Variants in PRKG1 observed in about 807,000 individuals in gnomAD.
PRKG1 encodes the protein protein kinase cGMP-dependent 1.
PRKG1 carries 35 observed loss-of-function variants against 88.1 expected under a neutral mutation model. That is an observed-to-expected ratio of 0.40 (90% confidence interval 0.30 to 0.53). The LOEUF (loss-of-function observed/expected upper bound fraction) is 0.53. Among genes scored for constraint, PRKG1 ranks in the 20% least tolerant of loss-of-function variants. The probability of loss-of-function intolerance (pLI) is 0.59; values close to 1 mark genes in which losing one functional copy is unlikely to be tolerated. For missense variants in PRKG1, 540 were observed against 839.8 expected (o/e 0.64, Z 4.41); for synonymous variants, 303 against 292.5 (o/e 1.04, Z -0.37).
chr10:51,013,590 C>T (rs1321003237), intron 1 of PRKG1, among the ~76,000 whole-genome samples: 1 of 152,114 alleles, frequency 6.6e-6, no homozygotes, highest in East Asian at 1.9e-4. Context: ...TGGGGTTTCA[C>T]CATGTTAGCC....
intron 3 of PRKG1, among the ~76,000 whole-genome samples, chr10:51,534,550 C>A (rs1216554339): frequency 1.9e-5 from 1 of 51,844 alleles, no homozygotes; most frequent in Admixed American, 2.2e-4. Flanking sequence ...CTCCTGTAGT[C>A]CCAGCTACTC....
In PRKG1 at chr10:51,943,884, A is replaced by G. The variant is rs951607006; in HGVS notation, c.762+36314A>G. On this transcript the variant is annotated intron_variant, in intron 5 of 17. Transcript: ENST00000373980. ...TATTTTATTGAGGATTTTTGCCTCAATGTTCATCAAGGATATTGGTCTAAA... is the reference window on the plus strand; with the variant it reads ...TATTTTATTGAGGATTTTTGCCTCAGTGTTCATCAAGGATATTGGTCTAAA... 1.3e-5 allele frequency among the ~76,000 whole-genome samples: 2 copies of G among 151,992 alleles called. 1 individual carries two copies. Among genetic ancestry groups the G allele is most frequent in the East Asian group, 3.9e-4 (2 of 5,186 alleles).
intron 9 of PRKG1, among the ~76,000 whole-genome samples, chr10:52,199,061 G>A (rs1377471239): frequency 6.7e-6 from 1 of 148,290 alleles, no homozygotes; most frequent in Non-Finnish European, 1.5e-5. Flanking sequence ...TTTGATGAAG[G>A]ATGAGATTGG....
At chr10:52,211,326 T>C (rs999973734) in intron 9 of PRKG1, among the ~76,000 whole-genome samples, 38 of 152,288 alleles carry the variant, frequency 2.5e-4, no homozygotes, top group African/African-American at 8.2e-4. Context: ...CCAGAAAATA[T>C]GTAGAGACAT....
intron 1 of PRKG1, among the ~76,000 whole-genome samples, chr10:51,145,131 G>A (rs1800803302): frequency 6.6e-6 from 1 of 152,280 alleles, no homozygotes; most frequent in Non-Finnish European, 1.5e-5. Context: ...GGTGTGAGTT[G>A]CTGGGTTTCA....
chr10:51,257,001 A>T (rs571328377), intron 2 of PRKG1, among the ~76,000 whole-genome samples: 2 of 152,220 alleles, frequency 1.3e-5, no homozygotes, highest in African/African-American at 4.8e-5. Flanking sequence ...AATTAAAATT[A>T]AAAAAATTCA....
chr10:51,159,500 G>A (rs1471307850), intron 2 of PRKG1, among the ~76,000 whole-genome samples: 2 of 152,098 alleles, frequency 1.3e-5, no homozygotes, highest in Admixed American at 1.3e-4. Context: ...GAGAAAGCTT[G>A]TGTACTACTT....
In PRKG1 at chr10:51,934,495, G is replaced by A. The variant is rs1026522911; in HGVS notation, c.762+26925G>A. Among the ~76,000 whole-genome samples, 7 of 152,080 alleles carry A rather than the reference G, an allele frequency of 4.6e-5. No individual in the cohort carries two copies. The South Asian group carries it at 1.0e-3, about 23-fold the overall frequency. On this transcript the variant is annotated intron_variant, in intron 5 of 17. Transcript: ENST00000373980. ...ATTAAGTTGCTCTACAGTAACCAAC[G>A]ATCCCCAAATAACAGCAGCTTAAAT...
chr10:51,993,488 G>A (rs374119221), intron 5 of PRKG1, among the ~76,000 whole-genome samples: 1 of 152,058 alleles, frequency 6.6e-6, no homozygotes, highest in Admixed American at 6.6e-5. Flanking sequence ...CCTATGAGTA[G>A]GATTATTACC....
chr10:52,167,566 T>C (rs1282155664), intron 9 of PRKG1, among the ~76,000 whole-genome samples: 4 of 151,894 alleles, frequency 2.6e-5, no homozygotes, highest in African/African-American at 9.7e-5. Context: ...CTGATTTGAG[T>C]TGTAGCCTTG....
At chr10:51,589,032 A>G (rs1838242707) in intron 3 of PRKG1, among the ~76,000 whole-genome samples, 1 of 152,186 alleles carries the variant, frequency 6.6e-6, no homozygotes, top group Non-Finnish European at 1.5e-5. Context: ...ATGAATAAAT[A>G]CATCTAGATG....
At chr10:51,729,615 G>A (rs1234995114) in intron 3 of PRKG1, among the ~76,000 whole-genome samples, 2 of 141,026 alleles carry the variant, frequency 1.4e-5, no homozygotes, top group Non-Finnish European at 3.0e-5. Flanking sequence ...GCTGAGGCAG[G>A]AGAATTGCTT....
rs59354639 is a variant in PRKG1, at chr10:51,725,628, C to CTTT, written c.593-78947_593-78945dup. ...CATAGAAGAATTTCTTTTTTCTTTTCTTTTTTTTTTTTGTGGGGGTCGGGG... is the reference window on the plus strand; with the variant it reads ...CATAGAAGAATTTCTTTTTTCTTTTCTTTTTTTTTTTTTTTGTGGGGGTCGGGG... On this transcript the variant is annotated intron_variant, in intron 3 of 17. Transcript: ENST00000373980. Among the ~76,000 whole-genome samples the CTTT allele has an allele frequency of 7.8e-4, 113 of 145,134 alleles. 1 individual carries two copies. The highest frequency in any genetic ancestry group is 2.4e-3 in the African/African-American group (95 of 39,394).
chr10:51,585,944 G>A (rs906452272), intron 3 of PRKG1, among the ~76,000 whole-genome samples: 4 of 152,044 alleles, frequency 2.6e-5, no homozygotes, highest in Non-Finnish European at 5.9e-5. Flanking sequence ...TGGCCGTAAA[G>A]ATAAGAACGC....
At chr10:52,275,043 A>G (rs1030299744) in intron 12 of PRKG1, among the ~76,000 whole-genome samples, 4 of 151,534 alleles carry the variant, frequency 2.6e-5, no homozygotes, top group African/African-American at 9.7e-5. Context: ...TTTTTTTCTT[A>G]CTGATTTGTT....
Position 52,271,385 on chromosome 10 carries a change from A to G in PRKG1, c.1209A>G (p.Ala403=). 2 of 1,612,802 alleles carry G rather than the reference A, an allele frequency of 1.2e-6. No individual in the cohort carries two copies. Among genetic ancestry groups the G allele is most frequent in the Non-Finnish European group, 1.7e-6 (2 of 1,179,224 alleles). Residue 403 remains alanine (A), a synonymous_variant, in exon 11 of 18, where the codon GCA becomes GCG. Coordinates refer to ENST00000373980, the MANE Select transcript of PRKG1 (RefSeq NM_006258.4). ...AAAGTGAAGAATCCAAAACGTTTGC[A>G]ATGAAGATTCTCAAGAAACGTCACA... is the stretch of plus-strand genomic sequence containing the variant. The part of the protein sequence containing the change: ...QLKSEESKTF[A]MKILKKRHIV...
intron 3 of PRKG1, among the ~76,000 whole-genome samples, chr10:51,694,010 G>A (rs916413708): frequency 5.3e-5 from 8 of 151,882 alleles, no homozygotes; most frequent in African/African-American, 1.7e-4. Context: ...TATATTTATG[G>A]ATACTTACAA....
chr10:51,149,396 G>T (rs1324297167), intron 1 of PRKG1, among the ~76,000 whole-genome samples: 1 of 152,008 alleles, frequency 6.6e-6, no homozygotes, highest in Non-Finnish European at 1.5e-5. Flanking sequence ...GTAGGTATAT[G>T]TTTTCCTATA....
intron 3 of PRKG1, among the ~76,000 whole-genome samples, chr10:51,571,311 A>C (rs16919763): frequency 0.01 from 1,537 of 151,996 alleles, 33 homozygotes; most frequent in African/African-American, 0.034. Flanking sequence ...GACAAATCCT[A>C]TGTTTAACCT....
Sources: gnomAD v4.1 joint callset for allele counts (sites outside exome capture counted in the v4.1 genomes callset) on GRCh38, gnomAD v4.1.1 for gene constraint, MANE v1.5 for transcripts, NCBI Gene and HGNC (gene_info 2026-07-23, HGNC 2026-07-21) for gene names.